Variants in RNLS observed in about 807,000 individuals in gnomAD.
RNLS encodes the protein renalase.
RNLS carries 39 observed loss-of-function variants against 39.8 expected under a neutral mutation model. The ratio of observed to expected loss-of-function variants is 0.98; its 90% CI spans 0.76 to 1.28. RNLS has a LOEUF of 1.28. Ranked by LOEUF, RNLS falls within the 50% of genes most tolerant of loss-of-function variation. The pLI is 0.00. For synonymous variants in RNLS, 147 were observed against 150.7 expected (o/e 0.98, Z 0.18); for missense variants, 410 against 413.3 (o/e 0.99, Z 0.07).
At chr10:88,310,911 G>A (rs937884311) in intron 6 of RNLS, among the ~76,000 whole-genome samples, 1 of 150,638 alleles carries the variant, frequency 6.6e-6, no homozygotes, top group East Asian at 2.0e-4. Flanking sequence ...GAAGATAACT[G>A]ATTTCTAATT....
chr10:88,339,236 A>G (rs1298589063), intron 5 of RNLS, among the ~76,000 whole-genome samples: 1 of 152,168 alleles, frequency 6.6e-6, no homozygotes, highest in Non-Finnish European at 1.5e-5. Context: ...TGGTGTTATA[A>G]TCTCTTCTTG....
intron 5 of RNLS, among the ~76,000 whole-genome samples, chr10:88,345,262 T>C (rs1848231310): frequency 6.6e-6 from 1 of 152,176 alleles, no homozygotes. Flanking sequence ...CTTCGAAACC[T>C]GCTCTTGAAT....
At chr10:88,489,372 G>T (rs527259467) in intron 4 of RNLS, among the ~76,000 whole-genome samples, 1 of 152,228 alleles carries the variant, frequency 6.6e-6, no homozygotes, top group Admixed American at 6.5e-5. Flanking sequence ...CAGTACACTG[G>T]CTGATTACCT....
chr10:88,298,784 T>C (rs1223885657), intron 6 of RNLS, among the ~76,000 whole-genome samples: 1 of 152,190 alleles, frequency 6.6e-6, no homozygotes, highest in African/African-American at 2.4e-5. Context: ...CTTTGTTCTT[T>C]TTTTCAAGAT....
chr10:88,209,439 C>A, the RNLS span, among the ~76,000 whole-genome samples: 1 of 152,248 alleles, frequency 6.6e-6, no homozygotes, highest in South Asian at 2.1e-4. Context: ...GATGCATCTA[C>A]AAGCCAGGGA....
intron 4 of RNLS, among the ~76,000 whole-genome samples, chr10:88,374,138 T>C: frequency 6.6e-6 from 1 of 151,990 alleles, no homozygotes; most frequent in East Asian, 1.9e-4. Flanking sequence ...TTCAATAAAA[T>C]GGCCTTAACT....
At chr10:88,379,114 C>G (rs548547185) in intron 4 of RNLS, among the ~76,000 whole-genome samples, 2 of 152,144 alleles carry the variant, frequency 1.3e-5, no homozygotes, top group African/African-American at 4.8e-5. Context: ...TACAACATCA[C>G]GAGGTCATAG....
chr10:88,256,162 G>C, the RNLS span, among the ~76,000 whole-genome samples: 1 of 152,182 alleles, frequency 6.6e-6, no homozygotes, highest in Non-Finnish European at 1.5e-5. Flanking sequence ...TATTGATCTT[G>C]TGGCAACTCA....
intron 4 of RNLS, among the ~76,000 whole-genome samples, chr10:88,521,184 G>T (rs532081200): frequency 1.3e-5 from 2 of 151,952 alleles, no homozygotes; most frequent in South Asian, 4.1e-4. Context: ...TAAAATGTAG[G>T]TGATTTCATC....
chr10:88,501,625 A>G (rs1474164349), intron 4 of RNLS, among the ~76,000 whole-genome samples: 1 of 152,148 alleles, frequency 6.6e-6, no homozygotes, highest in African/African-American at 2.4e-5. Context: ...TGATCTTCTG[A>G]ACCGCAATGC....
At chr10:88,174,917 T>G in the RNLS span, among the ~76,000 whole-genome samples, 2 of 152,238 alleles carry the variant, frequency 1.3e-5, no homozygotes, top group African/African-American at 2.4e-5. Flanking sequence ...ATACTTCTTA[T>G]TAATGATTCA....
At chr10:88,209,632 A>G in the RNLS span, among the ~76,000 whole-genome samples, 2 of 152,214 alleles carry the variant, frequency 1.3e-5, no homozygotes, top group South Asian at 4.1e-4. Flanking sequence ...TTGTAATGAC[A>G]GTCCTAAGAA....
At chr10:88,448,593 G>A (rs1020882101) in intron 4 of RNLS, among the ~76,000 whole-genome samples, 11 of 152,144 alleles carry the variant, frequency 7.2e-5, no homozygotes, top group African/African-American at 1.9e-4. Context: ...ACAGTGTGGC[G>A]ATTTCTTACA....
At chr10:88,275,533 T>C (rs1842782781) in intron 6 of RNLS, among the ~76,000 whole-genome samples, 1 of 152,088 alleles carries the variant, frequency 6.6e-6, no homozygotes, top group Non-Finnish European at 1.5e-5. Context: ...AATGGACAAA[T>C]AAATTGTGAT....
the RNLS span, among the ~76,000 whole-genome samples, chr10:88,231,453 G>A: frequency 6.6e-6 from 1 of 152,206 alleles, no homozygotes; most frequent in South Asian, 2.1e-4. Flanking sequence ...CCACCAGTGT[G>A]TGTGTGGTAT....
chr10:88,524,960 C>CATAT (rs772272529), intron 4 of RNLS, among the ~76,000 whole-genome samples: 1,240 of 88,566 alleles, frequency 0.014, 15 homozygotes, highest in Non-Finnish European at 0.02. Flanking sequence ...CACACACATA[C>CATAT]ATATATATAT....
intron 4 of RNLS, among the ~76,000 whole-genome samples, chr10:88,563,997 T>C (rs1849346992): frequency 6.6e-6 from 1 of 152,190 alleles, no homozygotes; most frequent in South Asian, 2.1e-4. Flanking sequence ...TCCTAAATTA[T>C]AATTAAACAT....
At chr10:88,516,562 A>C (rs1268027944) in intron 4 of RNLS, among the ~76,000 whole-genome samples, 1 of 152,054 alleles carries the variant, frequency 6.6e-6, no homozygotes, top group African/African-American at 2.4e-5. Flanking sequence ...ATATGCATTC[A>C]TGGCTATATT....
chr10:88,468,920 C>T (rs1282763376), intron 4 of RNLS, among the ~76,000 whole-genome samples: 1 of 151,958 alleles, frequency 6.6e-6, no homozygotes, highest in African/African-American at 2.4e-5. Context: ...AACTAAATGC[C>T]TTTGAGTTGT....
Sources: gnomAD v4.1 joint callset for allele counts (sites outside exome capture counted in the v4.1 genomes callset) on GRCh38, gnomAD v4.1.1 for gene constraint, MANE v1.5 for transcripts, NCBI Gene and HGNC (gene_info 2026-07-23, HGNC 2026-07-21) for gene names.